Variants in TGFBR2 observed in about 807,000 individuals in gnomAD.
The protein encoded by TGFBR2 is transforming growth factor beta receptor 2.
TGFBR2 carries 18 observed loss-of-function variants against 49.0 expected under a neutral mutation model. The observed-to-expected ratio is 0.37, with a 90% CI of 0.25 to 0.54. TGFBR2 has a LOEUF of 0.54. Ranked by LOEUF, TGFBR2 falls within the 20% of genes least tolerant of loss-of-function variation. The pLI, the probability that TGFBR2 is intolerant of heterozygous loss-of-function variation, is 0.85. For missense variants in TGFBR2, 525 were observed against 722.6 expected, an observed-to-expected ratio of 0.73 and a Z score of 3.13; for synonymous variants, 282 against 275.9, an observed-to-expected ratio of 1.02 and a Z score of -0.22.
At chr3:30,664,015 C>T (rs1038086186) in intron 3 of TGFBR2, among the ~76,000 whole-genome samples, 5 of 151,648 alleles carry the variant, frequency 3.3e-5, no homozygotes, top group African/African-American at 7.3e-5. Context: ...GAGATGTTCT[C>T]GTTCTGTTGC....
intron 2 of TGFBR2, among the ~76,000 whole-genome samples, chr3:30,646,062 A>T (rs2372092): frequency 0.31 from 47,063 of 151,952 alleles, 7,718 homozygotes; most frequent in East Asian, 0.68. Flanking sequence ...TGGCCATTTT[A>T]AAAAAAGTAA....
Position 30,606,895 on chromosome 3 carries a change from G to A in TGFBR2, c.12G>A (p.Gly4=), listed in dbSNP as rs1697932548. The A allele has an allele frequency of 8.2e-6, 13 of 1,575,966 alleles. No homozygotes were observed. Among genetic ancestry groups the A allele is most frequent in the Non-Finnish European group, 1.1e-5 (13 of 1,158,914 alleles). Reference sequence around the variant, plus strand: ...CAGCGGGGTCTGCCATGGGTCGGGGGCTGCTCAGGGGCCTGTGGCCGCTGC... The same window carrying A: ...CAGCGGGGTCTGCCATGGGTCGGGGACTGCTCAGGGGCCTGTGGCCGCTGC... The part of the protein sequence containing the change: MGR[G]LLRGLWPLHI... The change falls in exon 1 of 7, where the codon GGG becomes GGA. Residue 4 remains glycine (G), a synonymous_variant. Transcript: ENST00000295754.
At chr3:30,637,852 A>G (rs1698566706) in intron 1 of TGFBR2, among the ~76,000 whole-genome samples, 2 of 152,222 alleles carry the variant, frequency 1.3e-5, no homozygotes, top group South Asian at 4.1e-4. Flanking sequence ...ATAAATTTTT[A>G]GAAGCGAAAG....
chr3:30,685,090 T>C (rs1407996741), intron 5 of TGFBR2, among the ~76,000 whole-genome samples: 1 of 152,190 alleles, frequency 6.6e-6, no homozygotes, highest in African/African-American at 2.4e-5. Flanking sequence ...ATTTTCCTCC[T>C]CTGATGTTGG....
chr3:30,681,562 C>A (rs1054038309), intron 5 of TGFBR2, among the ~76,000 whole-genome samples: 2 of 152,044 alleles, frequency 1.3e-5, no homozygotes, highest in Admixed American at 1.3e-4. Context: ...GAGGGCCGGG[C>A]GGTTGCGGGT....
At chr3:30,609,368 G>A (rs192020090) in intron 1 of TGFBR2, among the ~76,000 whole-genome samples, 1 of 152,246 alleles carries the variant, frequency 6.6e-6, no homozygotes, top group African/African-American at 2.4e-5. Flanking sequence ...CTTAATGCAA[G>A]ATAATATATC....
chr3:30,626,283 A>C (rs1698329625), intron 1 of TGFBR2: 1 of 152,230 alleles, frequency 6.6e-6, no homozygotes, highest in African/African-American at 2.4e-5. Context: ...AAATATGAGC[A>C]AGGTTTTAGA....
At chr3:30,626,116 G>A (rs1416251962) in intron 1 of TGFBR2, among the ~76,000 whole-genome samples, 1 of 152,182 alleles carries the variant, frequency 6.6e-6, no homozygotes, top group Non-Finnish European at 1.5e-5. Context: ...TGATTCCGAT[G>A]TGGAACCATG....
At chr3:30,680,874 C>G (rs2125445385) in intron 5 of TGFBR2, among the ~76,000 whole-genome samples, 1 of 152,258 alleles carries the variant, frequency 6.6e-6, no homozygotes. Context: ...GGCTTTCAGT[C>G]TGTTTGGTGT....
intron 1 of TGFBR2, among the ~76,000 whole-genome samples, chr3:30,633,711 T>C (rs146667963): frequency 1.3e-5 from 2 of 152,254 alleles, no homozygotes; most frequent in East Asian, 3.9e-4. Context: ...TTCCAAGTCT[T>C]TTTTATTTCT....
chr3:30,633,912 C>A (rs1003517324), intron 1 of TGFBR2, among the ~76,000 whole-genome samples: 9 of 152,142 alleles, frequency 5.9e-5, no homozygotes, highest in African/African-American at 2.2e-4. Flanking sequence ...TGTTAGAAAC[C>A]AAGCGCCTTG....
chr3:30,616,353 A>G (rs1387874865), intron 1 of TGFBR2, among the ~76,000 whole-genome samples: 2 of 152,204 alleles, frequency 1.3e-5, no homozygotes, highest in African/African-American at 2.4e-5. Context: ...TTAGAGCCCC[A>G]TGCCAAGTAG....
At chr3:30,618,076 A>G (rs1475344722) in intron 1 of TGFBR2, among the ~76,000 whole-genome samples, 2 of 152,158 alleles carry the variant, frequency 1.3e-5, no homozygotes, top group African/African-American at 4.8e-5. Context: ...AGCTAGCAGA[A>G]GACAGAAGGC....
At chr3:30,663,383 A>C (rs1699182801) in intron 3 of TGFBR2, among the ~76,000 whole-genome samples, 1 of 152,214 alleles carries the variant, frequency 6.6e-6, no homozygotes, top group African/African-American at 2.4e-5. Flanking sequence ...TTTTCATGAC[A>C]TTGACTTTGA....
chr3:30,688,289 C>T (rs1468589270), intron 5 of TGFBR2, 95 bp from the exon 6 acceptor site: 3 of 1,536,022 alleles, frequency 2.0e-6, no homozygotes, highest in African/African-American at 2.7e-5. Context: ...TTACTTAGTG[C>T]TTCATGCTCC....
chr3:30,663,175 ACT>A (rs1415081905), intron 3 of TGFBR2, among the ~76,000 whole-genome samples: 2 of 151,002 alleles, frequency 1.3e-5, no homozygotes, highest in Admixed American at 6.6e-5. Flanking sequence ...CTTAGCTTTC[ACT>A]CTCTTTCTGT....
At chr3:30,630,859 G>A (rs958141824) in intron 1 of TGFBR2, among the ~76,000 whole-genome samples, 2 of 152,070 alleles carry the variant, frequency 1.3e-5, no homozygotes, top group East Asian at 3.9e-4. Context: ...AAGCAGGAAA[G>A]GGGGCTCTTA....
intron 1 of TGFBR2, among the ~76,000 whole-genome samples, chr3:30,643,671 T>C (rs1698682147): frequency 6.6e-6 from 1 of 152,206 alleles, no homozygotes; most frequent in Non-Finnish European, 1.5e-5. Context: ...CAATAAACAT[T>C]TTTGTATGCC....
rs772364715 is a variant in TGFBR2, at chr3:30,672,992, T to G, written c.1254+555T>G. On this transcript the variant is annotated intron_variant, in intron 4 of 6. Coordinates refer to ENST00000295754, the MANE Select transcript of TGFBR2 (RefSeq NM_003242.6). The surrounding 1 kb of genome is among the most constrained non-coding windows in gnomAD (Gnocchi z 4.5). ...GCACTCTCACAGATTAAAATGGAAA[T>G]GTTTTTGGCTAAGAAACTATTGGAA... 3.9e-5 allele frequency among the ~76,000 whole-genome samples: 6 copies of G among 152,192 alleles called. No individual in the cohort carries two copies. Among genetic ancestry groups the G allele is most frequent in the Non-Finnish European group, 8.8e-5 (6 of 68,038 alleles).
Sources: gnomAD v4.1 joint callset for allele counts (sites outside exome capture counted in the v4.1 genomes callset) on GRCh38, gnomAD v4.1.1 for gene constraint, Gnocchi (gnomAD v3.1) non-coding constraint, MANE v1.5 for transcripts, NCBI Gene and HGNC (gene_info 2026-07-23, HGNC 2026-07-21) for gene names.